The following SLIT1 variants were observed in gnomAD, a reference collection of about 807,000 sequenced individuals.
SLIT1 encodes slit homolog 1 protein.
In SLIT1, 66 loss-of-function variants were observed where a neutral mutation model predicts 186.1. The observed-to-expected ratio is 0.35, with a 90% CI of 0.29 to 0.44. The LOEUF is 0.44. SLIT1 is among the 20% of genes least tolerant of loss of function. The pLI is 1.00. For synonymous variants in SLIT1, 761 were observed against 833.8 expected (o/e 0.91, Z 1.50); for missense variants, 1,638 against 2,037.4 (o/e 0.80, Z 3.77).
intron 4 of SLIT1, among the ~76,000 whole-genome samples, chr10:97,143,902 G>C (rs774513948): frequency 2.0e-5 from 3 of 152,202 alleles, no homozygotes; most frequent in Non-Finnish European, 4.4e-5. Flanking sequence ...TTAAAGTTAA[G>C]ATTAGATTAA....
chr10:97,182,743 G>T (rs1318644166), intron 1 of SLIT1, among the ~76,000 whole-genome samples: 4 of 152,108 alleles, frequency 2.6e-5, no homozygotes, highest in African/African-American at 9.7e-5. Flanking sequence ...CTGGCCACTG[G>T]CCAGAGCATG....
At chr10:97,109,208 A>G (rs1333914859) in intron 4 of SLIT1, among the ~76,000 whole-genome samples, 1 of 152,100 alleles carries the variant, frequency 6.6e-6, no homozygotes, top group Non-Finnish European at 1.5e-5. Flanking sequence ...GAAAAAAAAA[A>G]AAGCCAACCT....
intron 4 of SLIT1, among the ~76,000 whole-genome samples, chr10:97,099,134 G>T (rs945715546): frequency 1.7e-5 from 2 of 118,104 alleles, no homozygotes; most frequent in Non-Finnish European, 4.1e-5. Flanking sequence ...GAGTGGAGGC[G>T]CGGGGGGTGT....
chr10:97,107,110 A>G (rs1339393794), intron 4 of SLIT1, among the ~76,000 whole-genome samples: 1 of 152,250 alleles, frequency 6.6e-6, no homozygotes, highest in East Asian at 1.9e-4. Flanking sequence ...GCACAGGCCC[A>G]AAGCCAGAAA....
At chr10:97,018,525 T>C in intron 28 of SLIT1, 61 bp downstream of exon 28, 1 of 1,077,918 alleles carries the variant, frequency 9.3e-7, no homozygotes, top group East Asian at 2.6e-5. Flanking sequence ...AGGAGGGCCC[T>C]GAGGCACAGG....
intron 4 of SLIT1, 67 bp from the exon 5 acceptor site, chr10:97,066,153 A>G (rs1357181370): frequency 1.5e-6 from 2 of 1,308,982 alleles, no homozygotes; most frequent in African/African-American, 2.9e-5. Flanking sequence ...GAGTGCTGTG[A>G]TAAGTCAGGG....
rs1249251102 is a variant in SLIT1 at position 97,184,618 on chromosome 10, G to A, written c.197+860C>T. ...ACACACACATTCTACTAGCTTACTG[G>A]GTCTAGAAAAGAAAAGGATCAAGTT... On this transcript the variant is annotated intron_variant, in intron 1 of 36. Coordinates refer to ENST00000266058, the MANE Select transcript of SLIT1 (RefSeq NM_003061.3). This position sits in a 1 kb window ranked among gnomAD's most constrained non-coding sequence, Gnocchi z 4.4. 6.6e-6 allele frequency among the ~76,000 whole-genome samples: 1 copy of A among 152,028 alleles called. No individual in the cohort carries two copies. Among genetic ancestry groups the A allele is most frequent in the Non-Finnish European group, 1.5e-5 (1 of 68,002 alleles).
At chr10:97,128,411 ACT>A in intron 4 of SLIT1, among the ~76,000 whole-genome samples, 1 of 151,820 alleles carries the variant, frequency 6.6e-6, no homozygotes, top group Non-Finnish European at 1.5e-5. Context: ...GCATGCTCAC[ACT>A]CTCCCCAAAT....
chr10:97,041,264 G>T (rs1848688172), intron 20 of SLIT1, among the ~76,000 whole-genome samples: 1 of 152,230 alleles, frequency 6.6e-6, no homozygotes, highest in Non-Finnish European at 1.5e-5. Flanking sequence ...ATGTCCAGCA[G>T]CTGGGGGCTG....
chr10:97,120,443 C>A (rs1318290666), intron 4 of SLIT1, among the ~76,000 whole-genome samples: 1 of 152,246 alleles, frequency 6.6e-6, no homozygotes, highest in Non-Finnish European at 1.5e-5. Flanking sequence ...TGATTCAAAT[C>A]CACTGCTCCC....
At position 97,058,062 on chromosome 10, in the gene SLIT1, T is replaced by C. The variant is rs575684935; in HGVS notation, c.1086-781A>G. On this transcript the variant is annotated intron_variant, in intron 11 of 36. Coordinates refer to ENST00000266058, the MANE Select transcript of SLIT1 (RefSeq NM_003061.3). ...ACAGCAAAGGCCCTGCAGTGGGAGC[T>C]GTGTGTGCCTGTCGTGTGTGGACAG... The C allele has an allele frequency of 4.0e-4, 286 of 717,400 alleles. 4 individuals are homozygous for C. The South Asian group carries it at 4.1e-3, about 10-fold the overall frequency. The allele number at this position is 717,400 out of a possible 1,614,324, so 44.4% of individuals were successfully genotyped here.
chr10:97,026,593 C>A (rs1848548376), intron 25 of SLIT1, among the ~76,000 whole-genome samples: 1 of 152,088 alleles, frequency 6.6e-6, no homozygotes, highest in African/African-American at 2.4e-5. Context: ...CCTTTCATGC[C>A]AAATTCTTAA....
intron 4 of SLIT1, among the ~76,000 whole-genome samples, chr10:97,149,445 A>G (rs1270512063): frequency 6.6e-6 from 1 of 152,158 alleles, no homozygotes; most frequent in Non-Finnish European, 1.5e-5. Context: ...CTTACTTAGC[A>G]TGGCTCTCAC....
chr10:97,142,396 T>A (rs996658867), intron 4 of SLIT1, among the ~76,000 whole-genome samples: 1 of 152,236 alleles, frequency 6.6e-6, no homozygotes, highest in Non-Finnish European at 1.5e-5. Flanking sequence ...CAACAAATGA[T>A]GCTGGGAAAA....
chr10:97,134,963 A>G (rs1849688215), intron 4 of SLIT1, among the ~76,000 whole-genome samples: 2 of 152,136 alleles, frequency 1.3e-5, no homozygotes, highest in South Asian at 2.1e-4. Flanking sequence ...CACATCCCCA[A>G]CAGGACCCAC....
At chr10:97,066,258 A>G (rs1472251539) in intron 4 of SLIT1, among the ~76,000 whole-genome samples, 172 bp from the exon 5 acceptor site, 1 of 151,800 alleles carries the variant, frequency 6.6e-6, no homozygotes, top group Admixed American at 6.6e-5. Flanking sequence ...CTCAGCAAGC[A>G]TTTGTTGAAT....
chr10:97,038,010 T>C (rs1408516099), intron 21 of SLIT1, among the ~76,000 whole-genome samples: 1 of 152,046 alleles, frequency 6.6e-6, no homozygotes, highest in Non-Finnish European at 1.5e-5. Context: ...TCGGTTCCCT[T>C]CTCGCTTCCC....
At chr10:97,146,083 C>T (rs1372616189) in intron 4 of SLIT1, among the ~76,000 whole-genome samples, 2 of 152,232 alleles carry the variant, frequency 1.3e-5, no homozygotes, top group African/African-American at 4.8e-5. Context: ...CAGGGTTTCT[C>T]ATTAGCATCA....
intron 31 of SLIT1, among the ~76,000 whole-genome samples, chr10:97,009,155 G>C (rs1052126191): frequency 6.6e-6 from 1 of 152,066 alleles, no homozygotes; most frequent in African/African-American, 2.4e-5. Context: ...GGGATTACAG[G>C]TGTGAGCCAC....
Sources: gnomAD v4.1 joint callset for allele counts (sites outside exome capture counted in the v4.1 genomes callset) on GRCh38, gnomAD v4.1.1 for gene constraint, Gnocchi (gnomAD v3.1) non-coding constraint, MANE v1.5 for transcripts, NCBI Gene and HGNC (gene_info 2026-07-23, HGNC 2026-07-21) for gene names.